The following STAG1 variants were observed in gnomAD, a reference collection of about 807,000 sequenced individuals.
STAG1 encodes cohesin subunit SA-1.
A neutral mutation model predicts 170.9 loss-of-function variants in STAG1; 26 were observed. The ratio of observed to expected loss-of-function variants is 0.15; its 90% CI spans 0.11 to 0.21. STAG1 has a LOEUF of 0.21. Among genes scored for constraint, STAG1 ranks in the 10% least tolerant of loss-of-function variants. The probability of loss-of-function intolerance (pLI) is 1.00; values close to 1 mark genes in which losing one functional copy is unlikely to be tolerated. For missense variants in STAG1, 964 were observed against 1,509.5 expected, an observed-to-expected ratio of 0.64 and a Z score of 5.99; for synonymous variants, 514 against 497.7, an observed-to-expected ratio of 1.03 and a Z score of -0.44.
chr3:136,639,214 C>T (rs984333063), intron 1 of STAG1, among the ~76,000 whole-genome samples: 1 of 151,238 alleles, frequency 6.6e-6, no homozygotes, highest in East Asian at 1.9e-4. Context: ...CTTGGAGTCC[C>T]AGCTACTCTA....
chr3:136,718,794 G>C (rs968022058), intron 1 of STAG1, among the ~76,000 whole-genome samples: 1 of 151,920 alleles, frequency 6.6e-6, no homozygotes, highest in Admixed American at 6.6e-5. Flanking sequence ...AAGTGTGGTG[G>C]GGGGGGCCTG....
intron 1 of STAG1, among the ~76,000 whole-genome samples, chr3:136,660,013 T>C (rs1265970452): frequency 6.6e-6 from 1 of 152,230 alleles, no homozygotes; most frequent in African/African-American, 2.4e-5. Context: ...ACCCCATCTC[T>C]ATAAAATTTT....
chr3:136,619,504 T>C (rs1276153213), intron 3 of STAG1, among the ~76,000 whole-genome samples: 3 of 152,000 alleles, frequency 2.0e-5, no homozygotes, highest in Admixed American at 2.0e-4. Context: ...ACGCCTGTAA[T>C]CCCAATACTT....
intron 26 of STAG1, among the ~76,000 whole-genome samples, chr3:136,362,777 G>A (rs1936925807): frequency 6.6e-6 from 1 of 151,270 alleles, no homozygotes; most frequent in Non-Finnish European, 1.5e-5. Context: ...GTTATTTTGG[G>A]TACACATTAG....
chr3:136,619,997 T>C (rs1355165201), intron 3 of STAG1, among the ~76,000 whole-genome samples: 6 of 151,790 alleles, frequency 4.0e-5, no homozygotes, highest in Admixed American at 3.3e-4. Flanking sequence ...GCCCAGGAGT[T>C]TGAGGATGCA....
chr3:136,347,395 C>CAAAAAAA (rs34533734), intron 29 of STAG1, among the ~76,000 whole-genome samples: 3 of 78,724 alleles, frequency 3.8e-5, no homozygotes, highest in Non-Finnish European at 4.5e-5. Context: ...GATCCTGTCT[C>CAAAAAAA]AAAAAAAAAA....
At chr3:136,501,330 T>A (rs964639370) in intron 8 of STAG1, among the ~76,000 whole-genome samples, 2 of 152,208 alleles carry the variant, frequency 1.3e-5, no homozygotes, top group African/African-American at 4.8e-5. Context: ...TACATTGAAG[T>A]TCTAACCCCT....
intron 9 of STAG1, among the ~76,000 whole-genome samples, chr3:136,498,257 C>CACACACACACACATATAAAT (rs1933252217): frequency 1.2e-5 from 1 of 83,676 alleles, no homozygotes; most frequent in African/African-American, 6.3e-5. Context: ...CATACACACA[C>CACACACACACACATATAAAT]ACACACACAC....
At chr3:136,392,872 T>G (rs959999323) in intron 22 of STAG1, among the ~76,000 whole-genome samples, 3 of 152,062 alleles carry the variant, frequency 2.0e-5, no homozygotes, top group African/African-American at 7.2e-5. Flanking sequence ...TATTTTTGTA[T>G]TTCTTCTTTT....
chr3:136,676,045 A>G (rs1942120293), intron 1 of STAG1, among the ~76,000 whole-genome samples: 1 of 152,268 alleles, frequency 6.6e-6, no homozygotes, highest in South Asian at 2.1e-4. Flanking sequence ...ATGTTACTGG[A>G]CTGAACACTG....
intron 1 of STAG1, among the ~76,000 whole-genome samples, chr3:136,705,863 C>A (rs1164102799): frequency 6.6e-6 from 1 of 151,930 alleles, no homozygotes; most frequent in Non-Finnish European, 1.5e-5. Flanking sequence ...AACAAATGGC[C>A]AGACACAATG....
At chr3:136,569,706 CAAGATA>C (rs1393639059) in intron 4 of STAG1, among the ~76,000 whole-genome samples, 2 of 151,686 alleles carry the variant, frequency 1.3e-5, no homozygotes, top group Admixed American at 6.6e-5. Context: ...AGGTAGCTGA[CAAGATA>C]AATATACAAA....
At chr3:136,646,272 A>C (rs1056758122) in intron 1 of STAG1, among the ~76,000 whole-genome samples, 1 of 152,124 alleles carries the variant, frequency 6.6e-6, no homozygotes, top group Non-Finnish European at 1.5e-5. Context: ...TACAGGCATG[A>C]GCCACCATGC....
rs146489767 is a variant in STAG1 at position 136,546,780 on chromosome 3, T to C, written c.395-4585A>G. ...AAAGTTTTAGCAAGTACCTTGTTTA[T>C]AGATGACATTGTATAATTGGCTCCA... is the stretch of plus-strand genomic sequence containing the variant. On this transcript the variant is annotated intron_variant, in intron 5 of 33. Transcript: ENST00000383202. 2.7e-3 allele frequency among the ~76,000 whole-genome samples: 418 copies of C among 152,328 alleles called. 2 individuals are homozygous for C. The highest frequency in any genetic ancestry group is 9.7e-3 in the African/African-American group (404 of 41,578).
intron 21 of STAG1, among the ~76,000 whole-genome samples, chr3:136,400,297 G>A (rs2087282423): frequency 6.6e-6 from 1 of 151,858 alleles, no homozygotes; most frequent in African/African-American, 2.4e-5. Context: ...GCGTGATCTC[G>A]GCTCACTGCA....
At position 136,369,330 on chromosome 3, in the gene STAG1, T is replaced by C; in HGVS notation, c.2371-48A>G. Reference sequence around the variant, plus strand: ...CAGCAAAATATTACACAAATATAACTACAAGTCAACATTAATGAAAATGTA... The same window carrying C: ...CAGCAAAATATTACACAAATATAACCACAAGTCAACATTAATGAAAATGTA... On this transcript the variant is annotated intron_variant, in intron 23 of 33. Coordinates refer to ENST00000383202, the MANE Select transcript of STAG1 (RefSeq NM_005862.3). 2.1e-6 allele frequency: 3 copies of C among 1,437,652 alleles called. No homozygotes were observed. The Admixed American group carries it at 7.6e-5, about 36-fold the overall frequency. The allele number at this position is 1,437,652 out of a possible 1,614,324, so 89.1% of individuals were successfully genotyped here.
intron 3 of STAG1, among the ~76,000 whole-genome samples, chr3:136,617,608 T>C (rs1339824378): frequency 6.6e-6 from 1 of 152,202 alleles, no homozygotes; most frequent in Non-Finnish European, 1.5e-5. Flanking sequence ...ACAGGGTTGG[T>C]ACTTTTACTC....
intron 20 of STAG1, among the ~76,000 whole-genome samples, chr3:136,418,360 C>CAAAAAAAAAAAAAAAAAAAAAAAAAA (rs767401141): frequency 4.0e-5 from 2 of 49,762 alleles, no homozygotes; most frequent in African/African-American, 2.2e-4. Flanking sequence ...ACTCTGTCTC[C>CAAAAAAAAAAAAAAAAAAAAAAAAAA]AAAAAAAAAA....
chr3:136,684,580 T>C (rs13065296), intron 1 of STAG1, among the ~76,000 whole-genome samples: 1 of 151,882 alleles, frequency 6.6e-6, no homozygotes, highest in Admixed American at 6.6e-5. Context: ...TGAAACCCTG[T>C]CTCTACTAAA....
Sources: allele counts gnomAD v4.1 joint callset (sites outside exome capture counted in the v4.1 genomes callset), GRCh38; gene constraint gnomAD v4.1.1; transcripts MANE v1.5; gene names NCBI Gene and HGNC (gene_info 2026-07-23, HGNC 2026-07-21).